PLEKHA5: variants seen among roughly 807,000 people sequenced by gnomAD.
PLEKHA5 encodes the protein pleckstrin homology domain containing A5.
In PLEKHA5, 55 loss-of-function variants were observed where a neutral mutation model predicts 181.9. That is an observed-to-expected ratio of 0.30 (90% CI 0.24 to 0.38). The LOEUF (loss-of-function observed/expected upper bound fraction) is 0.38, where lower values mean the gene tolerates loss of function less well. Ranked by LOEUF, PLEKHA5 falls within the 10% of genes least tolerant of loss-of-function variation. PLEKHA5 has a pLI of 1.00. For missense variants in PLEKHA5, 1,432 were observed against 1,549.5 expected (o/e 0.92, Z 1.27); for synonymous variants, 535 against 529.4 (o/e 1.01, Z -0.15).
intron 3 of PLEKHA5, among the ~76,000 whole-genome samples, chr12:19,181,290 T>C (rs2048509052): frequency 6.6e-6 from 1 of 152,202 alleles, no homozygotes; most frequent in Non-Finnish European, 1.5e-5. Context: ...TGTGATTAAA[T>C]GAAGTAGAAC....
intron 7 of PLEKHA5, 148 bp downstream of exon 7, chr12:19,261,169 A>C: frequency 2.0e-6 from 1 of 490,212 alleles, no homozygotes; most frequent in East Asian, 3.1e-5. Context: ...CCTTTGACAT[A>C]TCATTCTGAG....
At chr12:19,224,616 T>G (rs979332240) in intron 3 of PLEKHA5, among the ~76,000 whole-genome samples, 1 of 152,218 alleles carries the variant, frequency 6.6e-6, no homozygotes, top group Non-Finnish European at 1.5e-5. Flanking sequence ...GAGAGTTTAA[T>G]GAAATATTTC....
At chr12:19,205,410 A>T in intron 3 of PLEKHA5, 1 of 982,380 alleles carries the variant, frequency 1.0e-6, no homozygotes, top group Non-Finnish European at 1.2e-6. Context: ...TGAGACAAAG[A>T]AAAGAACACA....
At chr12:19,360,637 AAAATT>A (rs2153232772) in intron 28 of PLEKHA5, among the ~76,000 whole-genome samples, 1 of 152,284 alleles carries the variant, frequency 6.6e-6, no homozygotes, top group Non-Finnish European at 1.5e-5. Flanking sequence ...GAAAAAAAGA[AAAATT>A]AAAAAAAAAT....
chr12:19,300,027 T>G (rs2081030510), intron 15 of PLEKHA5, among the ~76,000 whole-genome samples: 1 of 152,232 alleles, frequency 6.6e-6, no homozygotes, highest in Non-Finnish European at 1.5e-5. Flanking sequence ...TGTACCTGTG[T>G]AGTGCCTGTT....
intron 15 of PLEKHA5, among the ~76,000 whole-genome samples, chr12:19,308,271 T>G (rs111266736): frequency 1.3e-5 from 2 of 152,308 alleles, no homozygotes; most frequent in African/African-American, 4.8e-5. Context: ...TCCAGCTGTA[T>G]ACATGCATCA....
chr12:19,369,921 C>T (rs970024683), intron 31 of PLEKHA5, 123 bp downstream of exon 31: 1 of 459,390 alleles, frequency 2.2e-6, no homozygotes, highest in African/African-American at 2.0e-5. Context: ...GTTGGCAGAA[C>T]AAGTAGGCAT....
intron 3 of PLEKHA5, among the ~76,000 whole-genome samples, chr12:19,216,556 T>C (rs1467539761): frequency 6.6e-6 from 1 of 151,822 alleles, no homozygotes; most frequent in Non-Finnish European, 1.5e-5. Flanking sequence ...CCATCTACTT[T>C]GGAGGCTGAG....
intron 15 of PLEKHA5, among the ~76,000 whole-genome samples, chr12:19,310,460 A>AT (rs1429657902): frequency 6.6e-6 from 1 of 151,952 alleles, no homozygotes; most frequent in Non-Finnish European, 1.5e-5. Context: ...AAATACAAAA[A>AT]TTAGCTGAGT....
intron 3 of PLEKHA5, among the ~76,000 whole-genome samples, chr12:19,157,466 T>C (rs187654982): frequency 6.6e-6 from 1 of 152,216 alleles, no homozygotes; most frequent in African/African-American, 2.4e-5. Flanking sequence ...TGCATGCTAA[T>C]AAGTGGGTTT....
chr12:19,307,958 G>A (rs113198471), intron 15 of PLEKHA5, among the ~76,000 whole-genome samples: 3 of 151,662 alleles, frequency 2.0e-5, no homozygotes, highest in Admixed American at 2.0e-4. Context: ...AGAGAAATAG[G>A]TATGAAAGAG....
At position 19,200,280 on chromosome 12, in the gene PLEKHA5, A is replaced by T. The variant is rs543875771; in HGVS notation, c.228-53660A>T. The T allele has an allele frequency of 1.6e-5, 23 of 1,420,646 alleles. No individual in the cohort carries two copies. The South Asian group carries it at 2.7e-4, about 17-fold the overall frequency. The allele number at this position is 1,420,646 out of a possible 1,614,324, so 88.0% of individuals were successfully genotyped here. On this transcript the variant is annotated intron_variant, in intron 3 of 31. Transcript: ENST00000429027. Reference sequence around the variant, plus strand: ...ATAGATATTATGTACCAATAAAAAAAAATTTAAACATTAAAACAATTTTTT... The same window carrying T: ...ATAGATATTATGTACCAATAAAAAATAATTTAAACATTAAAACAATTTTTT...
intron 3 of PLEKHA5, among the ~76,000 whole-genome samples, chr12:19,211,069 T>C (rs1010556591): frequency 5.9e-5 from 9 of 152,198 alleles, no homozygotes; most frequent in Non-Finnish European, 1.3e-4. Flanking sequence ...GACTATTACA[T>C]TATATTCTTT....
intron 3 of PLEKHA5, among the ~76,000 whole-genome samples, chr12:19,233,448 G>T (rs1355104065): frequency 6.6e-6 from 1 of 152,142 alleles, no homozygotes; most frequent in Non-Finnish European, 1.5e-5. Context: ...ATTGGTAGGA[G>T]ATCTGTTTCT....
intron 14 of PLEKHA5, among the ~76,000 whole-genome samples, 178 bp from the exon 15 acceptor site, chr12:19,291,466 T>C (rs1160902819): frequency 6.6e-6 from 1 of 152,238 alleles, no homozygotes. Flanking sequence ...AAAATATAAT[T>C]TTGTAATTTA....
At chr12:19,246,880 T>C (rs1351577160) in intron 3 of PLEKHA5, among the ~76,000 whole-genome samples, 1 of 152,186 alleles carries the variant, frequency 6.6e-6, no homozygotes, top group African/African-American at 2.4e-5. Flanking sequence ...TAACTCTCCA[T>C]TAAGAATGAA....
chr12:19,290,975 A>G (rs1344308412), intron 14 of PLEKHA5, among the ~76,000 whole-genome samples, 179 bp downstream of exon 14: 1 of 152,170 alleles, frequency 6.6e-6, no homozygotes, highest in Non-Finnish European at 1.5e-5. Context: ...CATTACTGAA[A>G]GAAAATACAG....
chr12:19,212,497 A>G (rs574380081), intron 3 of PLEKHA5, among the ~76,000 whole-genome samples: 1 of 152,274 alleles, frequency 6.6e-6, no homozygotes, highest in Admixed American at 6.5e-5. Flanking sequence ...TCTGGCCAAC[A>G]TGGTGATATC....
intron 7 of PLEKHA5, among the ~76,000 whole-genome samples, chr12:19,262,859 C>T (rs2068935885): frequency 6.6e-6 from 1 of 152,146 alleles, no homozygotes; most frequent in Non-Finnish European, 1.5e-5. Flanking sequence ...ATGTGTACCC[C>T]TGAACCTATA....
Sources: allele counts gnomAD v4.1 joint callset (sites outside exome capture counted in the v4.1 genomes callset), GRCh38; gene constraint gnomAD v4.1.1; transcripts MANE v1.5; gene names NCBI Gene and HGNC (gene_info 2026-07-23, HGNC 2026-07-21).